Variants in LUZP2 observed in about 807,000 individuals in gnomAD.
LUZP2 encodes the protein leucine zipper protein 2.
In LUZP2, 52 loss-of-function variants were observed where a neutral mutation model predicts 51.6. The ratio of observed to expected loss-of-function variants is 1.01; its 90% CI spans 0.81 to 1.27. The LOEUF (loss-of-function observed/expected upper bound fraction) is 1.27. Ranked by LOEUF, LUZP2 falls within the 50% of genes most tolerant of loss-of-function variation. The pLI, the probability that LUZP2 is intolerant of heterozygous loss-of-function variation, is 0.00. For synonymous variants in LUZP2, 154 were observed against 137.3 expected, an observed-to-expected ratio of 1.12 and a Z score of -0.85; for missense variants, 436 against 395.4, an observed-to-expected ratio of 1.10 and a Z score of -0.87.
intron 5 of LUZP2, among the ~76,000 whole-genome samples, chr11:24,886,615 G>C (rs10767269): frequency 0.49 from 73,749 of 151,976 alleles, 18,369 homozygotes; most frequent in East Asian, 0.69. Context: ...AAATGCATTA[G>C]TCTGATTTAT....
intron 5 of LUZP2, chr11:24,890,894 CTTTTT>C (rs34323542): frequency 3.0e-4 from 223 of 739,194 alleles, no homozygotes; most frequent in Middle Eastern, 7.5e-4. Context: ...AGTAAAAGTT[CTTTTT>C]TTTTTTTTTT....
At chr11:25,077,081 T>C (rs559195639) in intron 10 of LUZP2, among the ~76,000 whole-genome samples, 6 of 152,314 alleles carry the variant, frequency 3.9e-5, no homozygotes, top group East Asian at 3.9e-4. Flanking sequence ...CCATTGGAAT[T>C]GTACTTCTTT....
At chr11:24,852,104 A>G (rs2450419) in intron 5 of LUZP2, among the ~76,000 whole-genome samples, 23,033 of 117,818 alleles carry the variant, frequency 0.2, 1,900 homozygotes, top group African/African-American at 0.23. Flanking sequence ...TCATGTCACT[A>G]TCTCCTTCAG....
At chr11:25,029,360 G>C (rs979479108) in intron 9 of LUZP2, among the ~76,000 whole-genome samples, 1 of 151,742 alleles carries the variant, frequency 6.6e-6, no homozygotes, top group African/African-American at 2.4e-5. Flanking sequence ...CATCTACTAG[G>C]TACCCACACA....
chr11:24,782,284 C>T (rs1398212509), intron 5 of LUZP2, among the ~76,000 whole-genome samples: 1 of 152,024 alleles, frequency 6.6e-6, no homozygotes, highest in African/African-American at 2.4e-5. Context: ...GGTCAGAGTG[C>T]AGCTGTGAAG....
chr11:24,596,625 A>C (rs1162952900), intron 1 of LUZP2, among the ~76,000 whole-genome samples: 1 of 152,178 alleles, frequency 6.6e-6, no homozygotes. Flanking sequence ...AATGACATCT[A>C]GATATTTAGT....
At chr11:24,587,405 T>C (rs973902828) in intron 1 of LUZP2, among the ~76,000 whole-genome samples, 1 of 151,966 alleles carries the variant, frequency 6.6e-6, no homozygotes, top group African/African-American at 2.4e-5. Flanking sequence ...TCTTCCAAGG[T>C]GAGAGATGGG....
rs922018730 is a variant in LUZP2, at chr11:24,802,887, G to A, written c.396+39579G>A. Among the ~76,000 whole-genome samples, 12 of 152,132 alleles carry A rather than the reference G, an allele frequency of 7.9e-5. No homozygotes were observed. In the East Asian group the frequency reaches 1.7e-3, roughly 22 times the overall value. On this transcript the variant is annotated intron_variant, in intron 5 of 11. Transcript: ENST00000336930. ...TAATTATCTTATATAAAAGGTTGAA[G>A]AGAGCATCCTCATCCTTTCTCCTTC...
At chr11:24,660,447 T>C (rs1318075923) in intron 1 of LUZP2, among the ~76,000 whole-genome samples, 1 of 152,180 alleles carries the variant, frequency 6.6e-6, no homozygotes, top group African/African-American at 2.4e-5. Flanking sequence ...TACAATGACT[T>C]GTTTCTAGCA....
chr11:24,979,897 T>G (rs1220696792), intron 8 of LUZP2, among the ~76,000 whole-genome samples: 1 of 151,802 alleles, frequency 6.6e-6, no homozygotes, highest in Non-Finnish European at 1.5e-5. Flanking sequence ...AGAAATCTTT[T>G]TGCAACCACA....
chr11:24,917,326 CT>C (rs1565102904), intron 7 of LUZP2, among the ~76,000 whole-genome samples: 1 of 152,094 alleles, frequency 6.6e-6, no homozygotes, highest in Admixed American at 6.6e-5. Flanking sequence ...TGTGCAGAAG[CT>C]TTTTAGTTTG....
intron 1 of LUZP2, among the ~76,000 whole-genome samples, chr11:24,512,072 T>G (rs1461138567): frequency 6.6e-6 from 1 of 152,182 alleles, no homozygotes; most frequent in Non-Finnish European, 1.5e-5. Context: ...TTTGTCCAAC[T>G]GGGAGAGGGA....
At chr11:24,774,017 C>T (rs2631405) in intron 5 of LUZP2, among the ~76,000 whole-genome samples, 101,489 of 151,536 alleles carry the variant, frequency 0.67, 34,108 homozygotes, top group African/African-American at 0.71. Flanking sequence ...GGTGTGTCTG[C>T]GAGGTTGTTG....
rs75718670 is a variant in LUZP2 at position 24,983,690 on chromosome 11, A to G, written c.765+397A>G. Among the ~76,000 whole-genome samples, 318 of 151,584 alleles carry G rather than the reference A, an allele frequency of 2.1e-3. 1 individual carries two copies. Among genetic ancestry groups the G allele is most frequent in the African/African-American group, 7.5e-3 (309 of 41,406 alleles). On this transcript the variant is annotated intron_variant, in intron 9 of 11. Transcript: ENST00000336930. The stretch of plus-strand genomic sequence containing the variant: ...AAATCATTTTTTTTTTCTTAAGTCC[A>G]CAACTCTCAACACTGGCTGCACATT...
chr11:24,850,753 CATGGA>C (rs962496981), intron 5 of LUZP2, among the ~76,000 whole-genome samples: 4 of 152,288 alleles, frequency 2.6e-5, no homozygotes, highest in South Asian at 2.1e-4. Flanking sequence ...TATCCATGAG[CATGGA>C]ATATTTTTCC....
At chr11:24,841,605 T>G (rs1176801367) in intron 5 of LUZP2, among the ~76,000 whole-genome samples, 1 of 152,118 alleles carries the variant, frequency 6.6e-6, no homozygotes, top group East Asian at 1.9e-4. Flanking sequence ...CACATGTAAC[T>G]TTAAATGCCT....
At position 24,566,422 on chromosome 11, in the gene LUZP2, A is replaced by G. The variant is rs1852221525; in HGVS notation, c.62+69117A>G. Among the ~76,000 whole-genome samples, 4 of 147,636 alleles carry G rather than the reference A, an allele frequency of 2.7e-5. No homozygotes were observed. The Admixed American group carries it at 2.7e-4, about 10-fold the overall frequency. ...CGGCTTACCACAACCTCCACCTCCCAGGTTCAAGTGACTTTCCTGCCTCAG... is the reference window on the plus strand; with the variant it reads ...CGGCTTACCACAACCTCCACCTCCCGGGTTCAAGTGACTTTCCTGCCTCAG... On this transcript the variant is annotated intron_variant, in intron 1 of 11. Transcript: ENST00000336930.
At chr11:25,007,522 G>C (rs546859426) in intron 9 of LUZP2, among the ~76,000 whole-genome samples, 1 of 152,096 alleles carries the variant, frequency 6.6e-6, no homozygotes, top group Non-Finnish European at 1.5e-5. Context: ...AGAATCACTT[G>C]AACCTGGGAG....
At chr11:24,980,709 C>A (rs1562269) in intron 8 of LUZP2, among the ~76,000 whole-genome samples, 2 of 151,716 alleles carry the variant, frequency 1.3e-5, no homozygotes, top group African/African-American at 2.4e-5. Flanking sequence ...TAGGAAAGAA[C>A]CATTCCTGGA....
Sources: gnomAD v4.1 joint callset for allele counts (sites outside exome capture counted in the v4.1 genomes callset) on GRCh38, gnomAD v4.1.1 for gene constraint, MANE v1.5 for transcripts, NCBI Gene and HGNC (gene_info 2026-07-23, HGNC 2026-07-21) for gene names.